MACROD1: variants seen among roughly 807,000 people sequenced by gnomAD.
The protein encoded by MACROD1 is ADP-ribose glycohydrolase MACROD1.
A neutral mutation model predicts 41.4 loss-of-function variants in MACROD1; 31 were observed. The observed-to-expected ratio is 0.75, with a 90% CI of 0.56 to 1.01. MACROD1 has a LOEUF of 1.01. MACROD1 is among the 50% of genes least tolerant of loss of function. The pLI is 0.00. For missense variants in MACROD1, 473 were observed against 460.0 expected (o/e 1.03, Z -0.26); for synonymous variants, 252 against 203.4 (o/e 1.24, Z -2.03).
At chr11:63,998,729 G>A in intron 10 of MACROD1, 42 bp from the exon 11 acceptor site, 1 of 1,412,184 alleles carries the variant, frequency 7.1e-7, no homozygotes, top group Non-Finnish European at 9.2e-7. Flanking sequence ...GGGCGTCCCC[G>A]ACCTCCCAGG....
chr11:64,019,473 G>T (rs1943125110), intron 3 of MACROD1, among the ~76,000 whole-genome samples: 1 of 152,144 alleles, frequency 6.6e-6, no homozygotes, highest in Non-Finnish European at 1.5e-5. Context: ...CCCAGTTTGT[G>T]CCCCTGCTCC....
chr11:64,034,599 C>A (rs115479345), intron 3 of MACROD1, among the ~76,000 whole-genome samples: 1,646 of 152,114 alleles, frequency 0.011, 31 homozygotes, highest in African/African-American at 0.037. Flanking sequence ...GGACTGGGCG[C>A]AAGAGGGCTG....
chr11:64,045,637 A>C (rs1360271746), intron 3 of MACROD1, among the ~76,000 whole-genome samples: 1 of 152,182 alleles, frequency 6.6e-6, no homozygotes, highest in African/African-American at 2.4e-5. Flanking sequence ...CTGAGGGTAC[A>C]GATTGGAGAG....
At chr11:64,022,016 T>G (rs1590807707) in intron 3 of MACROD1, among the ~76,000 whole-genome samples, 4 of 89,674 alleles carry the variant, frequency 4.5e-5, no homozygotes, top group South Asian at 4.1e-4. Context: ...CTGGAGCTGG[T>G]GTGAGCAGCA....
At chr11:64,031,520 C>T (rs1943295682) in intron 3 of MACROD1, among the ~76,000 whole-genome samples, 1 of 145,770 alleles carries the variant, frequency 6.9e-6, no homozygotes, top group Non-Finnish European at 1.5e-5. Flanking sequence ...CTCTGTCGCC[C>T]AGGCTGGAGT....
intron 4 of MACROD1, among the ~76,000 whole-genome samples, chr11:64,014,080 G>A (rs1428782768): frequency 2.6e-5 from 4 of 152,118 alleles, no homozygotes; most frequent in African/African-American, 4.8e-5. Context: ...ATCTGTGCCC[G>A]GCAGTACCTG....
chr11:64,127,431 C>T (rs1026090649), intron 3 of MACROD1, among the ~76,000 whole-genome samples: 19 of 151,848 alleles, frequency 1.3e-4, no homozygotes, highest in Non-Finnish European at 1.0e-4. Flanking sequence ...CCGGACCTTG[C>T]CCCCGAGGCT....
At chr11:64,008,450 C>T (rs1942951002) in intron 4 of MACROD1, among the ~76,000 whole-genome samples, 2 of 152,202 alleles carry the variant, frequency 1.3e-5, no homozygotes, top group Admixed American at 1.3e-4. Context: ...TGTTGTCCAC[C>T]TGGCAGACCT....
chr11:64,123,099 C>T (rs1186103792), intron 3 of MACROD1, among the ~76,000 whole-genome samples: 3 of 152,076 alleles, frequency 2.0e-5, no homozygotes, highest in Admixed American at 6.5e-5. Flanking sequence ...GGGAGGGCAA[C>T]GGGGAGAGCA....
chr11:64,010,890 G>T (rs368665140), intron 4 of MACROD1, among the ~76,000 whole-genome samples: 34 of 144,396 alleles, frequency 2.4e-4, no homozygotes, highest in African/African-American at 9.2e-4. Context: ...TGTTTGGGGT[G>T]TTGGCTGGCA....
chr11:64,158,792 C>T (rs1332839773), intron 1 of MACROD1, among the ~76,000 whole-genome samples: 2 of 152,208 alleles, frequency 1.3e-5, no homozygotes, highest in African/African-American at 4.8e-5. Flanking sequence ...CTAAGTCCCT[C>T]ATGCCCAACT....
intron 4 of MACROD1, among the ~76,000 whole-genome samples, chr11:64,004,975 C>A (rs1942885843): frequency 6.6e-6 from 1 of 150,774 alleles, no homozygotes; most frequent in Admixed American, 6.6e-5. Context: ...GGTTAAGCAA[C>A]CTGTCCAAGG....
intron 3 of MACROD1, among the ~76,000 whole-genome samples, chr11:64,068,506 A>G (rs1384022181): frequency 1.3e-5 from 2 of 152,248 alleles, no homozygotes; most frequent in Non-Finnish European, 2.9e-5. Context: ...ATGAGGTCCT[A>G]GGATAACGAT....
At chr11:64,162,982 G>A (rs150051740) in intron 1 of MACROD1, among the ~76,000 whole-genome samples, 4 of 151,836 alleles carry the variant, frequency 2.6e-5, no homozygotes, top group Non-Finnish European at 4.4e-5. Flanking sequence ...TTAGCCGGGC[G>A]TGATGGCACG....
intron 4 of MACROD1, among the ~76,000 whole-genome samples, chr11:64,011,934 C>G (rs1448680069): frequency 6.6e-6 from 1 of 152,032 alleles, no homozygotes; most frequent in African/African-American, 2.4e-5. Context: ...GAGGGCAGAG[C>G]ACCTCCGGGG....
At chr11:64,066,209 A>G in intron 3 of MACROD1, among the ~76,000 whole-genome samples, 1 of 149,278 alleles carries the variant, frequency 6.7e-6, no homozygotes, top group Non-Finnish European at 1.5e-5. Flanking sequence ...AGGCAGGAGA[A>G]TTGCGAGAAC....
At chr11:64,102,531 A>G (rs1231658018) in intron 3 of MACROD1, among the ~76,000 whole-genome samples, 1 of 152,160 alleles carries the variant, frequency 6.6e-6, no homozygotes, top group African/African-American at 2.4e-5. Context: ...GACATTTAGC[A>G]AGAAGAGCAG....
At chr11:64,141,451 C>T (rs1281737194) in intron 3 of MACROD1, among the ~76,000 whole-genome samples, 1 of 152,228 alleles carries the variant, frequency 6.6e-6, no homozygotes, top group Non-Finnish European at 1.5e-5. Flanking sequence ...ATATCCTAGG[C>T]ACACAGAGTA....
In MACROD1 at chr11:64,000,270, A is replaced by G. The variant is rs567323570; in HGVS notation, c.621T>C (p.Thr207=). The change falls in exon 5 of 11, where the codon ACT becomes ACC. Residue 207 remains threonine, a synonymous_variant. Coordinates refer to ENST00000255681, the MANE Select transcript of MACROD1 (RefSeq NM_014067.4). ...DECRTLQSCK[T]GKAKITGGYR... ...AGCCGCCGGTGATCTTGGCCTTGCCAGTCTTACAGCTCTGCAGGGTCCGGC... is the reference window on the plus strand; with the variant it reads ...AGCCGCCGGTGATCTTGGCCTTGCCGGTCTTACAGCTCTGCAGGGTCCGGC... The G allele has an allele frequency of 6.2e-6, 10 of 1,606,176 alleles. No individual in the cohort carries two copies. The East Asian group carries it at 2.0e-4, about 32-fold the overall frequency.
Sources: gnomAD v4.1 joint callset for allele counts (sites outside exome capture counted in the v4.1 genomes callset) on GRCh38, gnomAD v4.1.1 for gene constraint, MANE v1.5 for transcripts, NCBI Gene and HGNC (gene_info 2026-07-23, HGNC 2026-07-21) for gene names.